SLC9A9: variants seen among roughly 807,000 people sequenced by gnomAD.
The protein encoded by SLC9A9 is solute carrier family 9 member A9.
Under a neutral mutation model 77.8 loss-of-function variants are expected in SLC9A9, and 62 were observed. The ratio of observed to expected loss-of-function variants is 0.80; its 90% confidence interval spans 0.65 to 0.98. The LOEUF (loss-of-function observed/expected upper bound fraction) is 0.98, where lower values mean the gene tolerates loss of function less well. SLC9A9 is among the 50% of genes least tolerant of loss of function. The pLI, the probability that SLC9A9 is intolerant of heterozygous loss-of-function variation, is 0.00. For missense variants in SLC9A9, 775 were observed against 774.9 expected, an observed-to-expected ratio of 1.00 and a Z score of 0.00; for synonymous variants, 320 against 283.5, an observed-to-expected ratio of 1.13 and a Z score of -1.29.
At chr3:143,517,758 A>G in intron 9 of SLC9A9, 1 of 1,598,426 alleles carries the variant, frequency 6.3e-7, no homozygotes, top group Non-Finnish European at 8.5e-7. Flanking sequence ...AATTTGACGA[A>G]GACACTGGCC....
chr3:143,667,656 T>C (rs533397405), intron 5 of SLC9A9, among the ~76,000 whole-genome samples: 2 of 152,070 alleles, frequency 1.3e-5, no homozygotes, highest in South Asian at 4.1e-4. Flanking sequence ...AACAACCCCA[T>C]GAAAAAGTGG....
chr3:143,444,959 G>C (rs892728610), intron 12 of SLC9A9, among the ~76,000 whole-genome samples: 2 of 152,276 alleles, frequency 1.3e-5, no homozygotes, highest in Admixed American at 1.3e-4. Context: ...TCCTGATATG[G>C]ACTGTGTGTC....
At position 143,389,410 on chromosome 3, in the gene SLC9A9, C is replaced by A. The variant is rs184532959; in HGVS notation, c.1470-7296G>T. Among the ~76,000 whole-genome samples, 11 of 152,168 alleles carry A rather than the reference C, an allele frequency of 7.2e-5. 1 individual carries two copies. The highest frequency in any genetic ancestry group is 5.9e-4 in the Admixed American group (9 of 15,288). On this transcript the variant is annotated intron_variant, in intron 12 of 15. Transcript: ENST00000316549. ...TATATACATGAAGCGGTGGTGAGGG[C>A]CATTGTGCAGGACAGGCTCACTGTG...
intron 14 of SLC9A9, among the ~76,000 whole-genome samples, chr3:143,345,293 A>C (rs1026539905): frequency 3.3e-5 from 5 of 152,218 alleles, no homozygotes; most frequent in African/African-American, 1.2e-4. Flanking sequence ...AACCTTTATT[A>C]ATTCCAGCAT....
chr3:143,779,771 T>C (rs2007813059), intron 4 of SLC9A9, among the ~76,000 whole-genome samples: 1 of 152,204 alleles, frequency 6.6e-6, no homozygotes, highest in Non-Finnish European at 1.5e-5. Flanking sequence ...GAAAACACAT[T>C]GTGAAGAGGG....
intron 4 of SLC9A9, among the ~76,000 whole-genome samples, chr3:143,771,527 T>C (rs1011985260): frequency 6.6e-6 from 1 of 152,074 alleles, no homozygotes; most frequent in African/African-American, 2.4e-5. Flanking sequence ...GAAGGTGCCA[T>C]GGGAGAAAGG....
At chr3:143,616,173 G>T (rs2038103784) in intron 6 of SLC9A9, among the ~76,000 whole-genome samples, 2 of 151,524 alleles carry the variant, frequency 1.3e-5, no homozygotes, top group African/African-American at 2.5e-5. Flanking sequence ...ATGAGCCACT[G>T]CCCTGGGCCT....
At chr3:143,718,024 A>G (rs1934398672) in intron 4 of SLC9A9, among the ~76,000 whole-genome samples, 1 of 152,186 alleles carries the variant, frequency 6.6e-6, no homozygotes, top group African/African-American at 2.4e-5. Flanking sequence ...CAACTGAAGA[A>G]TCCAGATGGT....
chr3:143,606,436 C>CTCTCTCTATATA (rs1419410834), intron 6 of SLC9A9, among the ~76,000 whole-genome samples: 830 of 54,136 alleles, frequency 0.015, 12 homozygotes, highest in Admixed American at 0.023. Context: ...CTCTCTCTCT[C>CTCTCTCTATATA]TATATATATA....
intron 6 of SLC9A9, among the ~76,000 whole-genome samples, chr3:143,597,484 G>T (rs534687100): frequency 1.5e-4 from 23 of 152,214 alleles, no homozygotes; most frequent in Non-Finnish European, 2.8e-4. Flanking sequence ...CCTTGCGTGG[G>T]GGTGGCCAAT....
At chr3:143,516,562 C>T (rs537215527) in intron 9 of SLC9A9, among the ~76,000 whole-genome samples, 137 of 152,156 alleles carry the variant, frequency 9.0e-4, no homozygotes, top group Non-Finnish European at 1.3e-3. Context: ...CAGCTTTTAT[C>T]GTATTTATTT....
chr3:143,640,132 C>T (rs2038597682), intron 6 of SLC9A9, among the ~76,000 whole-genome samples: 1 of 151,516 alleles, frequency 6.6e-6, no homozygotes, highest in South Asian at 2.1e-4. Context: ...AGCCATTCTC[C>T]TGCCTCAGCC....
Position 143,376,011 on chromosome 3 carries a change from G to A in SLC9A9, c.1524+6049C>T, listed in dbSNP as rs965634485. Among the ~76,000 whole-genome samples the A allele has an allele frequency of 3.3e-5, 5 of 152,190 alleles. 1 individual carries two copies. In the South Asian group the frequency reaches 1.0e-3, roughly 32 times the overall value. ...TGGCTGGCAACTCAACCCTTGCTGG[G>A]AGGAAGTAACAAGCAGAGAATGATG... On this transcript the variant is annotated intron_variant, in intron 13 of 15. Transcript: ENST00000316549.
intron 5 of SLC9A9, among the ~76,000 whole-genome samples, chr3:143,664,820 C>A (rs897755438): frequency 5.9e-5 from 9 of 152,184 alleles, no homozygotes; most frequent in Non-Finnish European, 1.2e-4. Context: ...TACAGGGGCA[C>A]CCAGCTTCAT....
chr3:143,535,269 T>A (rs1281010194), intron 9 of SLC9A9, among the ~76,000 whole-genome samples: 1 of 152,106 alleles, frequency 6.6e-6, no homozygotes, highest in Non-Finnish European at 1.5e-5. Context: ...TTAAAACACT[T>A]TAGAGTTCTT....
chr3:143,738,749 C>T (rs1935003155), intron 4 of SLC9A9, among the ~76,000 whole-genome samples: 1 of 152,156 alleles, frequency 6.6e-6, no homozygotes, highest in Non-Finnish European at 1.5e-5. Context: ...ACCCACTTTT[C>T]AGATCAAACA....
intron 4 of SLC9A9, among the ~76,000 whole-genome samples, chr3:143,722,294 A>G (rs549717232): frequency 6.6e-6 from 1 of 152,158 alleles, no homozygotes; most frequent in African/African-American, 2.4e-5. Context: ...TAAAGCGGTG[A>G]AACCCCATCT....
rs148376034 is a variant in SLC9A9, at chr3:143,286,551, G to T, written c.1605-17571C>A. Reference sequence around the variant, plus strand: ...GTCTCCCAGATCATTCTTGTTTACTGCCTGGTGACATTCCTTCCAAATCCC... The same window carrying T: ...GTCTCCCAGATCATTCTTGTTTACTTCCTGGTGACATTCCTTCCAAATCCC... On this transcript the variant is annotated intron_variant, in intron 14 of 15. Coordinates refer to ENST00000316549, the MANE Select transcript of SLC9A9 (RefSeq NM_173653.4). 4.3e-3 allele frequency among the ~76,000 whole-genome samples: 655 copies of T among 152,332 alleles called. 5 individuals carry two copies. The highest frequency in any genetic ancestry group is 0.015 in the African/African-American group (636 of 41,572).
chr3:143,678,072 C>A (rs1053737772), intron 5 of SLC9A9, among the ~76,000 whole-genome samples: 1 of 152,124 alleles, frequency 6.6e-6, no homozygotes, highest in Non-Finnish European at 1.5e-5. Flanking sequence ...GTGATCCACC[C>A]GCCTCAGCCT....
Sources: allele counts gnomAD v4.1 joint callset (sites outside exome capture counted in the v4.1 genomes callset), GRCh38; gene constraint gnomAD v4.1.1; transcripts MANE v1.5; gene names NCBI Gene and HGNC (gene_info 2026-07-23, HGNC 2026-07-21).